NDE1: variants seen among roughly 807,000 people sequenced by gnomAD.
NDE1 encodes nuclear distribution protein nudE homolog 1.
Under a neutral mutation model 43.4 loss-of-function variants are expected in NDE1, and 28 were observed. The observed-to-expected ratio is 0.65, with a 90% CI of 0.48 to 0.89. NDE1 has a LOEUF of 0.89. Among genes scored for constraint, NDE1 ranks in the 40% least tolerant of loss-of-function variants. NDE1 has a pLI of 0.00. For missense variants in NDE1, 441 were observed against 434.1 expected, an observed-to-expected ratio of 1.02 and a Z score of -0.14; for synonymous variants, 184 against 172.0, an observed-to-expected ratio of 1.07 and a Z score of -0.55.
intron 5 of NDE1, among the ~76,000 whole-genome samples, chr16:15,689,479 C>T (rs1394236923): frequency 9.2e-5 from 14 of 152,154 alleles, no homozygotes; most frequent in Non-Finnish European, 1.5e-5. Flanking sequence ...GTGACTGAGT[C>T]AGACCCTGTC....
chr16:15,696,524 A>G (rs973367962), intron 7 of NDE1, among the ~76,000 whole-genome samples, 185 bp from the exon 8 acceptor site: 11 of 152,080 alleles, frequency 7.2e-5, no homozygotes, highest in African/African-American at 2.7e-4. Context: ...CCAGCTCCCA[A>G]ATACTTAAGG....
chr16:15,678,425 C>T (rs564143400), intron 4 of NDE1, among the ~76,000 whole-genome samples: 8 of 151,966 alleles, frequency 5.3e-5, no homozygotes, highest in Non-Finnish European at 1.2e-4. Context: ...TGTACAGTGG[C>T]GTGATTTCGG....
chr16:15,694,221 C>T lies in NDE1; in HGVS notation c.760C>T (p.Leu254Phe). 1 of 1,613,760 alleles carries T rather than the reference C, an allele frequency of 6.2e-7. No homozygotes were observed. Among genetic ancestry groups the T allele is most frequent in the Non-Finnish European group, 8.5e-7 (1 of 1,180,030 alleles). The change falls in exon 7 of 9, where the codon CTC becomes TTC. Residue 254 changes from leucine (L) to phenylalanine (F), a missense_variant. Physicochemically the swap from Leu to Phe is conservative, Grantham distance 22. Transcript: ENST00000396354. ...CACACCTGCGGCCCGGATATCAGCC[C>T]TCAACATTGTGGGAGACCTACTGCG... ...PLTPAARISA[L>F]NIVGDLLRKV... is the part of the protein sequence containing the mutation.
chr16:15,718,287 G>A (rs1415554673), intron 8 of NDE1: 12 of 1,606,652 alleles, frequency 7.5e-6, no homozygotes, highest in African/African-American at 1.3e-5. Context: ...AGTAGGCAGC[G>A]TGACTGTGGT....
At chr16:15,648,851 C>G (rs1350134488), upstream of NDE1, among the ~76,000 whole-genome samples, 1 of 151,856 alleles carries the variant, frequency 6.6e-6, no homozygotes, top group African/African-American at 2.4e-5. Context: ...TGTTAGTGAA[C>G]AATTAGGGTT....
intron 8 of NDE1, chr16:15,720,164 A>G: frequency 1.1e-5 from 17 of 1,614,036 alleles, no homozygotes; most frequent in Non-Finnish European, 1.4e-5. Flanking sequence ...CAGTTTGCGT[A>G]GCTGCTTGAT....
chr16:15,691,141 C>G lies in NDE1; in HGVS notation c.524-3C>G, dbSNP rs1456675646. The G allele has an allele frequency of 6.2e-7, 1 of 1,613,932 alleles. No homozygotes were observed. Among genetic ancestry groups the G allele is most frequent in the African/African-American group, 1.3e-5 (1 of 74,882 alleles). On this transcript the variant is annotated splice_polypyrimidine_tract_variant and splice_region_variant and intron_variant, in intron 5 of 8. Transcript: ENST00000396354. ...GAATTCCTGAATCCTTTTTCTGGCA[C>G]AGATTTGCGGCAGGAACTGGCCGTG...
At chr16:15,714,427 T>C (rs2039997835) in intron 8 of NDE1, 1 of 191,780 alleles carries the variant, frequency 5.2e-6, no homozygotes, top group Non-Finnish European at 1.1e-5. Context: ...TTTTCAGGGA[T>C]CTTTTTCCTT....
At chr16:15,715,074 T>G (rs2151192258) in intron 8 of NDE1, 1 of 1,613,254 alleles carries the variant, frequency 6.2e-7, no homozygotes, top group East Asian at 2.2e-5. Context: ...GGCATTGCCT[T>G]TCTCTGCCTG....
rs367724678 is a variant in NDE1 at position 15,720,116 on chromosome 16, C to T, written c.948-4075C>T. 1.3e-4 allele frequency: 215 copies of T among 1,613,944 alleles called. 1 individual carries two copies. In the South Asian group the frequency reaches 1.6e-3, roughly 12 times the overall value. ...TGGCCTGAGGGGAACTGTGCCCTCC[C>T]TCCACCCATGCCCCAAGCTCCTAGT... On this transcript the variant is annotated intron_variant, in intron 8 of 8. Coordinates refer to ENST00000396354, the MANE Select transcript of NDE1 (RefSeq NM_017668.3).
chr16:15,681,253 CTTTTTTTTTTTT>C (rs71134448), intron 4 of NDE1, among the ~76,000 whole-genome samples: 5 of 31,432 alleles, frequency 1.6e-4, no homozygotes, highest in East Asian at 8.3e-4. Flanking sequence ...TAAACACTGC[CTTTTTTTTTTTT>C]TTTTTTTTTT....
In NDE1 at chr16:15,717,131, C is replaced by T. The variant is rs1391739007; in HGVS notation, c.948-7060C>T. On this transcript the variant is annotated intron_variant, in intron 8 of 8. Coordinates refer to ENST00000396354, the MANE Select transcript of NDE1 (RefSeq NM_017668.3). Reference sequence around the variant, plus strand: ...TGCAAACTGGGTTCGGAACTCCACACCCGCATACCTGGCCTCCTGCTCGAC... The same window carrying T: ...TGCAAACTGGGTTCGGAACTCCACATCCGCATACCTGGCCTCCTGCTCGAC... 1.2e-6 allele frequency: 2 copies of T among 1,614,160 alleles called. No homozygotes were observed. The highest frequency in any genetic ancestry group is 1.7e-6 in the Non-Finnish European group (2 of 1,179,984).
At chr16:15,647,228 G>A (rs1383751004), upstream of NDE1, among the ~76,000 whole-genome samples, 5 of 152,350 alleles carry the variant, frequency 3.3e-5, no homozygotes, top group Middle Eastern at 6.8e-3. Flanking sequence ...GAATTAGCAA[G>A]GAGTTCAAAG....
At chr16:15,696,673 C>G (rs764966525) in intron 7 of NDE1, 36 bp from the exon 8 acceptor site, 4 of 1,613,970 alleles carry the variant, frequency 2.5e-6, no homozygotes. Context: ...TAGTCCTTGC[C>G]TATAACTTGA....
intron 4 of NDE1, among the ~76,000 whole-genome samples, chr16:15,685,179 C>G (rs1271492479): frequency 6.6e-6 from 1 of 152,160 alleles, no homozygotes; most frequent in Non-Finnish European, 1.5e-5. Context: ...TTTGATATGT[C>G]AACCTTAGGG....
intron 8 of NDE1, chr16:15,719,148 A>T: frequency 6.9e-7 from 1 of 1,456,238 alleles, no homozygotes; most frequent in East Asian, 2.3e-5. Flanking sequence ...AAAAAATAAA[A>T]TGGGGGTCGA....
chr16:15,715,974 A>C (rs908203072), intron 8 of NDE1, among the ~76,000 whole-genome samples: 1 of 152,072 alleles, frequency 6.6e-6, no homozygotes, highest in Non-Finnish European at 1.5e-5. Context: ...AAAAAATACA[A>C]TTACAAGCTG....
At chr16:15,686,233 T>A (rs2038431933) in intron 4 of NDE1, 1 of 374,348 alleles carries the variant, frequency 2.7e-6, no homozygotes, top group Non-Finnish European at 3.7e-6. Context: ...ATTACAGGCG[T>A]GAGCCACCGT....
intron 7 of NDE1, chr16:15,695,407 C>T (rs531655876): frequency 1.3e-6 from 1 of 759,008 alleles, no homozygotes; most frequent in Non-Finnish European, 1.6e-6. Context: ...ACTTGAGAGG[C>T]TTATGCAGGA....
Sources: allele counts gnomAD v4.1 joint callset (sites outside exome capture counted in the v4.1 genomes callset), GRCh38; gene constraint gnomAD v4.1.1; transcripts MANE v1.5; gene names NCBI Gene and HGNC (gene_info 2026-07-23, HGNC 2026-07-21).